Variants in ABCA10 observed in about 807,000 individuals in gnomAD.
ABCA10 encodes ATP binding cassette subfamily A member 10, also known as ATP-binding cassette sub-family A member 10.
A neutral mutation model predicts 187.5 loss-of-function variants in ABCA10; 169 were observed. That is an observed-to-expected ratio of 0.90 (90% CI 0.80 to 1.02). The LOEUF (loss-of-function observed/expected upper bound fraction) is 1.02. Among genes scored for constraint, ABCA10 ranks in the 50% least tolerant of loss-of-function variants. The pLI is 0.00. For synonymous variants in ABCA10, 574 were observed against 601.8 expected (o/e 0.95, Z 0.68); for missense variants, 1,727 against 1,812.4 (o/e 0.95, Z 0.86).
chr17:69,235,466 C>G (rs976375325), intron 1 of ABCA10, among the ~76,000 whole-genome samples: 2 of 152,208 alleles, frequency 1.3e-5, no homozygotes, highest in Non-Finnish European at 2.9e-5. Context: ...ATTACTGCCT[C>G]ACCATTTCTC....
intron 9 of ABCA10, among the ~76,000 whole-genome samples, chr17:69,211,179 G>C (rs1452390608): frequency 6.6e-6 from 1 of 150,862 alleles, no homozygotes; most frequent in Non-Finnish European, 1.5e-5. Flanking sequence ...ACTTGCATAT[G>C]AATGTTTATT....
intron 11 of ABCA10, among the ~76,000 whole-genome samples, 158 bp downstream of exon 11, chr17:69,196,906 G>A (rs543572723): frequency 1.5e-4 from 23 of 151,680 alleles, no homozygotes; most frequent in South Asian, 4.2e-4. Flanking sequence ...CCAGGCACTC[G>A]GCAGGCACTC....
intron 20 of ABCA10, 96 bp downstream of exon 20, chr17:69,185,377 GGATA>G: frequency 1.6e-6 from 2 of 1,244,532 alleles, no homozygotes; most frequent in Non-Finnish European, 1.1e-6. Flanking sequence ...GGAGCAAGCT[GGATA>G]GACACCATTT....
chr17:69,149,373 C>T (rs1407053639), intron 37 of ABCA10: 4 of 346,356 alleles, frequency 1.2e-5, no homozygotes, highest in Admixed American at 4.3e-5. Flanking sequence ...AATCAGTTGT[C>T]GAGAATAATT....
At chr17:69,217,071 C>G (rs2074711792) in intron 6 of ABCA10, among the ~76,000 whole-genome samples, 1 of 151,946 alleles carries the variant, frequency 6.6e-6, no homozygotes, top group Non-Finnish European at 1.5e-5. Flanking sequence ...CATAGTAAAA[C>G]CCCATCTCTA....
intron 9 of ABCA10, among the ~76,000 whole-genome samples, chr17:69,211,603 T>A (rs2074660266): frequency 6.6e-6 from 1 of 151,630 alleles, no homozygotes; most frequent in Non-Finnish European, 1.5e-5. Context: ...TGAATCCATC[T>A]GTTCCTGGAC....
At chr17:69,176,348 T>C (rs1463446080) in intron 22 of ABCA10, among the ~76,000 whole-genome samples, 6 of 152,134 alleles carry the variant, frequency 3.9e-5, no homozygotes, top group Admixed American at 6.6e-5. Flanking sequence ...AATTAAACAA[T>C]TGTCAAGGCA....
In ABCA10 at chr17:69,215,864, C is replaced by A; in HGVS notation, c.809G>T (p.Trp270Leu). 1 of 1,613,290 alleles carries A rather than the reference C, an allele frequency of 6.2e-7. No individual in the cohort carries two copies. The highest frequency in any genetic ancestry group is 1.7e-5 in the Admixed American group (1 of 59,832). The change falls in exon 8 of 39, where the codon TGG (tryptophan) becomes TTG (leucine). Residue 270 changes from tryptophan (W) to leucine (L), a missense_variant. Physicochemically the swap from Trp to Leu is moderately conservative, Grantham distance 61. Transcript: ENST00000690296. ...LYRQLPLSLG[W>L]VLSLLSPFAF... ...AAAAGGGCTAAGAAGACTTAATACC[C>A]ATCCCAAAGATAAAGGAAGTTGTCT...
intron 20 of ABCA10, among the ~76,000 whole-genome samples, chr17:69,185,192 G>A (rs1968100): frequency 0.72 from 109,693 of 151,996 alleles, 39,887 homozygotes; most frequent in Admixed American, 0.75. Context: ...CACATTGAGT[G>A]TAGTGTACAC....
intron 19 of ABCA10, among the ~76,000 whole-genome samples, chr17:69,186,317 T>G (rs1312005285): frequency 6.6e-6 from 1 of 152,162 alleles, no homozygotes; most frequent in Non-Finnish European, 1.5e-5. Context: ...AGAAACTCCT[T>G]CATCTTATCG....
chr17:69,153,258 C>T, intron 34 of ABCA10, 47 bp downstream of exon 34: 1 of 1,558,004 alleles, frequency 6.4e-7, no homozygotes, highest in African/African-American at 1.4e-5. Context: ...ACAAAATATC[C>T]TAGAGGTATT....
chr17:69,202,185 A>T (rs935572967), intron 9 of ABCA10, among the ~76,000 whole-genome samples: 2 of 152,226 alleles, frequency 1.3e-5, no homozygotes, highest in Non-Finnish European at 2.9e-5. Context: ...AGAGCTCATG[A>T]AAGGGAATAC....
At chr17:69,149,158 G>A (rs1355158961) in intron 37 of ABCA10, 70 bp from the exon 38 acceptor site, 1 of 1,526,400 alleles carries the variant, frequency 6.6e-7, no homozygotes. Context: ...TCATACAATA[G>A]AGACAGTAGC....
chr17:69,235,717 T>C (rs2074864405), intron 1 of ABCA10, among the ~76,000 whole-genome samples: 1 of 151,926 alleles, frequency 6.6e-6, no homozygotes, highest in Admixed American at 6.6e-5. Context: ...CACCTTGCAT[T>C]GTGCTGCTTC....
At position 69,155,017 on chromosome 17, in the gene ABCA10, A is replaced by G; in HGVS notation, c.3694+2T>C. 1 of 1,566,044 alleles carries G rather than the reference A, an allele frequency of 6.4e-7. No homozygotes were observed. The highest frequency in any genetic ancestry group is 8.8e-7 in the Non-Finnish European group (1 of 1,140,562). Reference sequence around the variant, plus strand: ...AATAATAAAAGGAACAATTGTTCAAACCTTTTTTAACACAAAAGGAAACAT... The same window carrying G: ...AATAATAAAAGGAACAATTGTTCAAGCCTTTTTTAACACAAAAGGAAACAT... On this transcript the variant is annotated splice_donor_variant, in intron 30 of 38. Coordinates refer to ENST00000690296, the MANE Select transcript of ABCA10 (RefSeq NM_001377321.1). LOFTEE classifies it high-confidence loss of function.
chr17:69,213,971 C>T (rs1335963595), intron 9 of ABCA10, among the ~76,000 whole-genome samples: 5 of 150,900 alleles, frequency 3.3e-5, no homozygotes, highest in African/African-American at 1.2e-4. Flanking sequence ...ATTGTGTTTC[C>T]TTCTTCATAT....
chr17:69,165,483 A>G (rs1039522960), intron 25 of ABCA10, among the ~76,000 whole-genome samples: 7 of 152,316 alleles, frequency 4.6e-5, no homozygotes, highest in Admixed American at 1.3e-4. Context: ...GTTTATTGCC[A>G]TATCTAAGCA....
intron 36 of ABCA10, 50 bp from the exon 37 acceptor site, chr17:69,150,113 C>G (rs780128989): frequency 7.2e-7 from 1 of 1,385,370 alleles, no homozygotes; most frequent in East Asian, 2.3e-5. Context: ...TGTGATAATA[C>G]GGGGGAGGAA....
intron 25 of ABCA10, among the ~76,000 whole-genome samples, chr17:69,165,606 T>A (rs2144768156): frequency 6.6e-6 from 1 of 152,258 alleles, no homozygotes; most frequent in African/African-American, 2.4e-5. Flanking sequence ...GCAGCCCATA[T>A]CCCCACTCAG....
Sources: gnomAD v4.1 joint callset for allele counts (sites outside exome capture counted in the v4.1 genomes callset) on GRCh38, gnomAD v4.1.1 for gene constraint, MANE v1.5 for transcripts, NCBI Gene and HGNC (gene_info 2026-07-23, HGNC 2026-07-21) for gene names.